Variants in KIAA0319L observed in about 807,000 individuals in gnomAD.
The protein encoded by KIAA0319L is dyslexia-associated protein KIAA0319-like protein.
Under a neutral mutation model 120.1 loss-of-function variants are expected in KIAA0319L, and 55 were observed. The observed-to-expected ratio is 0.46, with a 90% CI of 0.37 to 0.57. The LOEUF (loss-of-function observed/expected upper bound fraction) is 0.57. Ranked by LOEUF, KIAA0319L falls within the 20% of genes least tolerant of loss-of-function variation. The pLI is 0.00. For missense variants in KIAA0319L, 1,049 were observed against 1,255.3 expected (o/e 0.84, Z 2.48); for synonymous variants, 398 against 471.9 (o/e 0.84, Z 2.03).
intron 14 of KIAA0319L, 85 bp from the exon 15 acceptor site, chr1:35,450,090 G>A (rs953724008): frequency 1.3e-6 from 2 of 1,499,232 alleles, no homozygotes; most frequent in East Asian, 2.3e-5. Flanking sequence ...CCATAACTAG[G>A]CCCTTCAGGG....
chr1:35,513,288 ATTTTTTTT>A lies in KIAA0319L; in HGVS notation c.143-6161_143-6154del, dbSNP rs67198806. On this transcript the variant is annotated intron_variant, in intron 2 of 20. Transcript: ENST00000325722. The stretch of plus-strand genomic sequence containing the variant: ...ATAACATATATATATATATATATAT[ATTTTTTTT>A]TTTTTTTTTTTCTGTCCAGTATAAA... Among the ~76,000 whole-genome samples the A allele has an allele frequency of 5.3e-4, 45 of 85,296 alleles. 1 individual carries two copies. The highest frequency in any genetic ancestry group is 1.7e-3 in the African/African-American group (39 of 23,486). The allele number at this position is 85,296 out of a possible 152,430, so 56.0% of individuals were successfully genotyped here.
chr1:35,435,274 G>A (rs1640693678), intron 20 of KIAA0319L, 193 bp from the exon 21 acceptor site: 1 of 594,762 alleles, frequency 1.7e-6, no homozygotes, highest in Non-Finnish European at 3.0e-6. Flanking sequence ...AGTCCACTAA[G>A]GGGTGTCACA....
rs374408249 is a variant in KIAA0319L at position 35,503,451 on chromosome 1, G to A, written c.666+3161C>T. 1.3e-3 allele frequency among the ~76,000 whole-genome samples: 205 copies of A among 152,280 alleles called. 6 individuals are homozygous for A. The South Asian group carries it at 0.04, about 30-fold the overall frequency. On this transcript the variant is annotated intron_variant, in intron 3 of 20. Coordinates refer to ENST00000325722, the MANE Select transcript of KIAA0319L (RefSeq NM_024874.5). ...TCTCAGAACATACTCCAGACCTACCGAGTCAGAAACTATGGAGTTGGGGCC... is the reference window on the plus strand; with the variant it reads ...TCTCAGAACATACTCCAGACCTACCAAGTCAGAAACTATGGAGTTGGGGCC...
rs2149092970 is a variant in KIAA0319L, at chr1:35,453,223, C to T, written c.1913+334G>A. 6.6e-6 allele frequency among the ~76,000 whole-genome samples: 1 copy of T among 152,286 alleles called. No homozygotes were observed. The highest frequency in any genetic ancestry group is 3.4e-3 in the Middle Eastern group (1 of 294). ...CCAGCCTTACCCAGTTAATTCTGAGCAACAGTATTTTTCTGCTCCATTACC... is the reference window on the plus strand; with the variant it reads ...CCAGCCTTACCCAGTTAATTCTGAGTAACAGTATTTTTCTGCTCCATTACC... On this transcript the variant is annotated intron_variant, in intron 12 of 20. Coordinates refer to ENST00000325722, the MANE Select transcript of KIAA0319L (RefSeq NM_024874.5). The surrounding 1 kb of genome is among the most constrained non-coding windows in gnomAD (Gnocchi z 4.1).
In KIAA0319L at chr1:35,454,386, G is replaced by A; in HGVS notation, c.1756C>T (p.Gln586Ter). Residue 586 changes from glutamine (Q) to a stop codon, truncating the protein, a stop_gained, in exon 11 of 21, where the codon CAA (glutamine) becomes TAA (stop). Coordinates refer to ENST00000325722, the MANE Select transcript of KIAA0319L (RefSeq NM_024874.5). LOFTEE classifies it high-confidence loss of function. ...CCAGGTTGCACAATAACAGTCACTT[G>A]AGCAGTGGCCTGCTGTCCTATTGTG... ...TDTIGQQATA[Q>*]VTVIVQPENN... 1 of 1,614,048 alleles carries A rather than the reference G, an allele frequency of 6.2e-7. No homozygotes were observed. Among genetic ancestry groups the A allele is most frequent in the Non-Finnish European group, 8.5e-7 (1 of 1,179,904 alleles).
Position 35,478,840 on chromosome 1 carries a change from C to T in KIAA0319L, c.913+126G>A, listed in dbSNP as rs1644020049. 1.9e-5 allele frequency: 22 copies of T among 1,156,034 alleles called. No individual in the cohort carries two copies. The South Asian group carries it at 3.0e-4, about 16-fold the overall frequency. The allele number at this position is 1,156,034 out of a possible 1,614,324, so 71.6% of individuals were successfully genotyped here. ...CAGTCCATGACTGCAGGGGCAATGA[C>T]AGAGTTATTTTTTCTCTAACACACA... On this transcript the variant is annotated intron_variant, in intron 4 of 20. Coordinates refer to ENST00000325722, the MANE Select transcript of KIAA0319L (RefSeq NM_024874.5).
At chr1:35,490,859 C>A (rs1444900255) in intron 3 of KIAA0319L, among the ~76,000 whole-genome samples, 2 of 152,108 alleles carry the variant, frequency 1.3e-5, no homozygotes, top group African/African-American at 4.8e-5. Context: ...TGAGTGAGTT[C>A]TCATGAGATC....
chr1:35,503,978 T>C (rs554213798), intron 3 of KIAA0319L, among the ~76,000 whole-genome samples: 1 of 144,302 alleles, frequency 6.9e-6, no homozygotes, highest in Non-Finnish European at 1.5e-5. Flanking sequence ...TTCCACCTCC[T>C]GGGTTCAAGC....
intron 9 of KIAA0319L, among the ~76,000 whole-genome samples, chr1:35,457,256 G>A (rs979737372): frequency 1.3e-5 from 2 of 152,120 alleles, no homozygotes; most frequent in East Asian, 1.9e-4. Context: ...CTTAAGAAGA[G>A]GTAATTCTTA....
chr1:35,487,336 C>T (rs1283832905), intron 3 of KIAA0319L, among the ~76,000 whole-genome samples: 1 of 152,052 alleles, frequency 6.6e-6, no homozygotes, highest in African/African-American at 2.4e-5. Context: ...CTCACTGCAA[C>T]CTCTGCCTCC....
intron 2 of KIAA0319L, among the ~76,000 whole-genome samples, chr1:35,534,516 G>A (rs902859869): frequency 6.6e-6 from 1 of 152,152 alleles, no homozygotes; most frequent in Non-Finnish European, 1.5e-5. Flanking sequence ...CTATAACACT[G>A]TCACTAAAAA....
intron 2 of KIAA0319L, among the ~76,000 whole-genome samples, chr1:35,518,736 G>C (rs1476211202): frequency 6.6e-6 from 1 of 152,162 alleles, no homozygotes; most frequent in Non-Finnish European, 1.5e-5. Context: ...AGGCACAGTG[G>C]CTCACGCCTG....
intron 2 of KIAA0319L, among the ~76,000 whole-genome samples, chr1:35,540,229 T>G (rs1198556323): frequency 6.6e-6 from 1 of 152,240 alleles, no homozygotes; most frequent in Non-Finnish European, 1.5e-5. Flanking sequence ...GGACAGCGTC[T>G]GTGATGGCTA....
intron 17 of KIAA0319L, 33 bp downstream of exon 17, chr1:35,444,128 G>A (rs778797057): frequency 1.3e-6 from 2 of 1,559,012 alleles, no homozygotes; most frequent in African/African-American, 1.4e-5. Flanking sequence ...GCACTAGGTA[G>A]GCTCTTGCTC....
intron 1 of KIAA0319L, among the ~76,000 whole-genome samples, chr1:35,555,372 G>C (rs761689281): frequency 1.3e-5 from 2 of 151,964 alleles, no homozygotes; most frequent in African/African-American, 2.4e-5. Flanking sequence ...TCCTATCCAC[G>C]GCCAGCATAC....
At position 35,451,698 on chromosome 1, in the gene KIAA0319L, C is replaced by T; in HGVS notation, c.1992G>A (p.Val664=). 6.2e-7 allele frequency: 1 copy of T among 1,614,118 alleles called. No individual in the cohort carries two copies. Among genetic ancestry groups the T allele is most frequent in the Non-Finnish European group, 8.5e-7 (1 of 1,179,998 alleles). ...TVTGLQVGTY[V]FTLTVKDERN... Reference sequence around the variant, plus strand: ...TCTCATCTTTGACAGTCAAGGTGAACACATAGGTCCCCACTTGCAGCCCAG... The same window carrying T: ...TCTCATCTTTGACAGTCAAGGTGAATACATAGGTCCCCACTTGCAGCCCAG... The change falls in exon 13 of 21, where the codon GTG becomes GTA. Residue 664 remains valine (V), a synonymous_variant. Transcript: ENST00000325722.
chr1:35,517,794 A>C (rs571763472), intron 2 of KIAA0319L, among the ~76,000 whole-genome samples: 14 of 152,334 alleles, frequency 9.2e-5, no homozygotes, highest in African/African-American at 2.4e-5. Flanking sequence ...AATCTACAGA[A>C]TGGGAGAAAA....
intron 3 of KIAA0319L, among the ~76,000 whole-genome samples, chr1:35,486,078 G>A (rs1644373825): frequency 6.6e-6 from 1 of 152,180 alleles, no homozygotes; most frequent in Admixed American, 6.5e-5. Flanking sequence ...CCTACTCAAA[G>A]TATTACCAGC....
chr1:35,442,926 C>G lies in KIAA0319L; in HGVS notation c.2759G>C (p.Arg920Thr), dbSNP rs146388394. Residue 920 changes from arginine to threonine, a missense_variant, in exon 18 of 21, where the codon AGG (arginine) becomes ACG (threonine). Transcript: ENST00000325722. The part of the protein sequence containing the change: ...WMENFIKVQL[R>T]DGDSNCEWSV... ...CTCACCACAGTTGCTGTCTCCATCC[C>G]TCAGCTGCACCTTGATGAAATTCTC... 2.5e-6 allele frequency: 4 copies of G among 1,614,224 alleles called. No individual in the cohort carries two copies. The highest frequency in any genetic ancestry group is 3.4e-6 in the Non-Finnish European group (4 of 1,180,026).
Sources: gnomAD v4.1 joint callset for allele counts (sites outside exome capture counted in the v4.1 genomes callset) on GRCh38, gnomAD v4.1.1 for gene constraint, Gnocchi (gnomAD v3.1) non-coding constraint, MANE v1.5 for transcripts, NCBI Gene and HGNC (gene_info 2026-07-23, HGNC 2026-07-21) for gene names.